Variants in CLGN observed in about 807,000 individuals in gnomAD.
CLGN encodes testis tissue sperm-binding protein Li 79P.
A neutral mutation model predicts 79.1 loss-of-function variants in CLGN; 62 were observed. That is an observed-to-expected ratio of 0.78 (90% CI 0.64 to 0.97). CLGN has a LOEUF of 0.97. Ranked by LOEUF, CLGN falls within the 50% of genes least tolerant of loss-of-function variation. The pLI, the probability that CLGN is intolerant of heterozygous loss-of-function variation, is 0.00. For missense variants in CLGN, 647 were observed against 715.5 expected (o/e 0.90, Z 1.09); for synonymous variants, 225 against 224.7 (o/e 1.00, Z -0.01).
chr4:140,399,039 C>G lies in CLGN; in HGVS notation c.696G>C (p.Val232=). The G allele has an allele frequency of 6.3e-7, 1 of 1,596,880 alleles. No homozygotes were observed. The change falls in exon 8 of 15, where the codon GTG becomes GTC. Residue 232 remains valine, a splice_region_variant and synonymous_variant. Transcript: ENST00000325617. ...CCTCAAATGTGTCATCTGGATTCAT[C>G]ACTAAGGGACCAATTTAAATAAATT... is the stretch of plus-strand genomic sequence containing the variant. ...TDRKTHLYTL[V]MNPDDTFEVL... is the part of the protein sequence containing the mutation.
intron 1 of CLGN, among the ~76,000 whole-genome samples, chr4:140,423,132 G>C (rs1320401402): frequency 1.3e-5 from 2 of 152,140 alleles, no homozygotes; most frequent in Admixed American, 6.5e-5. Flanking sequence ...TAAAGGAAAA[G>C]CTTTCAGTCT....
At chr4:140,403,261 T>C (rs1729031329) in intron 5 of CLGN, among the ~76,000 whole-genome samples, 1 of 152,198 alleles carries the variant, frequency 6.6e-6, no homozygotes, top group Non-Finnish European at 1.5e-5. Flanking sequence ...AAGCTCTAAG[T>C]CTCTATTTGC....
chr4:140,395,378 C>T (rs1367683422), intron 10 of CLGN, among the ~76,000 whole-genome samples: 1 of 152,054 alleles, frequency 6.6e-6, no homozygotes, highest in African/African-American at 2.4e-5. Flanking sequence ...CATCTCCTGA[C>T]CTCGTGATCC....
At chr4:140,414,707 A>C (rs1288976326) in intron 1 of CLGN, among the ~76,000 whole-genome samples, 1 of 146,364 alleles carries the variant, frequency 6.8e-6, no homozygotes, top group Non-Finnish European at 1.5e-5. Flanking sequence ...ATGTGAAAAG[A>C]CCAAATCTAC....
intron 1 of CLGN, among the ~76,000 whole-genome samples, chr4:140,418,062 T>A (rs1429466770): frequency 6.6e-6 from 1 of 151,900 alleles, no homozygotes; most frequent in Non-Finnish European, 1.5e-5. Context: ...TCTACAACTA[T>A]CTGATCTTTG....
At chr4:140,417,911 A>G (rs1339992377) in intron 1 of CLGN, among the ~76,000 whole-genome samples, 2 of 152,114 alleles carry the variant, frequency 1.3e-5, no homozygotes, top group Non-Finnish European at 2.9e-5. Flanking sequence ...CTAAGCCAAA[A>G]GAATAAAGCT....
intron 14 of CLGN, among the ~76,000 whole-genome samples, chr4:140,389,990 G>C (rs1728742531): frequency 6.6e-6 from 1 of 151,644 alleles, no homozygotes; most frequent in Non-Finnish European, 1.5e-5. Flanking sequence ...GAGAAAACTG[G>C]TTTTTGGTTT....
At position 140,396,898 on chromosome 4, in the gene CLGN, TATATATATGTATATATATATATATACAC is replaced by T. The variant is rs1560739991; in HGVS notation, c.885-721_885-694del. On this transcript the variant is annotated intron_variant, in intron 8 of 14. Transcript: ENST00000325617. ...ACATATATATATATATATGTATATA[TATATATATGTATATATATATATATACAC>T]ATATATATATATACACATAGCTTCA... Among the ~76,000 whole-genome samples, 6 of 60,088 alleles carry T rather than the reference TATATATATGTATATATATATATATACAC, an allele frequency of 1.0e-4. No homozygotes were observed. In the South Asian group the frequency reaches 1.4e-3, roughly 14 times the overall value. The allele number at this position is 60,088 out of a possible 152,430, so 39.4% of individuals were successfully genotyped here. A position where few individuals can be genotyped will look rare whatever the true frequency, so the allele number is the denominator to read the frequency against.
intron 10 of CLGN, 95 bp from the exon 11 acceptor site, chr4:140,394,136 C>A: frequency 1.2e-6 from 1 of 809,326 alleles, no homozygotes; most frequent in South Asian, 1.8e-5. Flanking sequence ...ATTCGCAATG[C>A]TAACTGGAAA....
intron 13 of CLGN, among the ~76,000 whole-genome samples, chr4:140,391,902 C>T (rs1480193806): frequency 6.6e-6 from 1 of 151,638 alleles, no homozygotes; most frequent in African/African-American, 2.4e-5. Flanking sequence ...CCTCTATCAC[C>T]CTCCATCTCA....
intron 6 of CLGN, among the ~76,000 whole-genome samples, chr4:140,401,713 A>G (rs1016582127): frequency 1.3e-5 from 2 of 152,158 alleles, no homozygotes; most frequent in African/African-American, 4.8e-5. Context: ...CTATATTTCA[A>G]AAGAAATTTA....
chr4:140,391,488 T>G (rs1459627711), intron 13 of CLGN, among the ~76,000 whole-genome samples: 1 of 151,696 alleles, frequency 6.6e-6, no homozygotes, highest in Non-Finnish European at 1.5e-5. Flanking sequence ...CACATGAACA[T>G]GTGTATGTAT....
chr4:140,392,604 AC>A lies in CLGN; in HGVS notation c.1472del (p.Cys491PhefsTer6), dbSNP rs1235317625. The A allele has an allele frequency of 6.3e-7, 1 of 1,597,572 alleles. No individual in the cohort carries two copies. The highest frequency in any genetic ancestry group is 2.2e-5 in the East Asian group (1 of 44,666). Reference sequence around the variant, plus strand: ...TCTTTACCTTTACTTTTCTTGGCCAACAAAATGAAGTAATTAATGCTATTGG... The same window carrying A: ...TCTTTACCTTTACTTTTCTTGGCCAAAAAATGAAGTAATTAATGCTATTGG... ...GVPIALITSF[C>X]WPRKVKKKHK... On this transcript the variant is annotated frameshift_variant, in exon 12 of 15. Transcript: ENST00000325617. LOFTEE classifies it high-confidence loss of function.
chr4:140,389,031 A>T lies in CLGN; in HGVS notation c.*193T>A. 1 of 555,782 alleles carries T rather than the reference A, an allele frequency of 1.8e-6. No individual in the cohort carries two copies. 34.4% of individuals were successfully genotyped at this position (555,782 alleles called of 1,614,324 possible). ...ATGTAATGTGCCACTTTTATTCTAA[A>T]TTCAAAGATGAGGTAACTTCAAAGT... On this transcript the variant is annotated 3_prime_UTR_variant, in exon 15 of 15. Coordinates refer to ENST00000325617, the MANE Select transcript of CLGN (RefSeq NM_004362.3).
intron 5 of CLGN, among the ~76,000 whole-genome samples, chr4:140,404,143 G>A (rs1729048966): frequency 6.6e-6 from 1 of 151,778 alleles, no homozygotes; most frequent in East Asian, 1.9e-4. Context: ...GCCCAGGCTG[G>A]AGTGCAGTGG....
intron 7 of CLGN, among the ~76,000 whole-genome samples, chr4:140,399,311 C>G (rs2668580): frequency 0.064 from 9,801 of 152,214 alleles, 394 homozygotes; most frequent in African/African-American, 0.11. Context: ...TGTTTTGGGA[C>G]TCATAACGAG....
At chr4:140,394,986 T>C (rs1281405209) in intron 10 of CLGN, among the ~76,000 whole-genome samples, 4 of 151,964 alleles carry the variant, frequency 2.6e-5, no homozygotes, top group African/African-American at 9.7e-5. Context: ...GAGACCAGCC[T>C]GACCAACATG....
At chr4:140,389,405 C>A in intron 14 of CLGN, 101 bp from the exon 15 acceptor site, 3 of 824,850 alleles carry the variant, frequency 3.6e-6, no homozygotes, top group African/African-American at 1.7e-5. Context: ...TATGTGCTAT[C>A]AATCAAGTGC....
chr4:140,419,071 GA>G (rs1477640364), intron 1 of CLGN, among the ~76,000 whole-genome samples: 1 of 152,068 alleles, frequency 6.6e-6, no homozygotes, highest in Non-Finnish European at 1.5e-5. Flanking sequence ...GATGAAATTG[GA>G]AAACATCATT....
Sources: gnomAD v4.1 joint callset for allele counts (sites outside exome capture counted in the v4.1 genomes callset) on GRCh38, gnomAD v4.1.1 for gene constraint, MANE v1.5 for transcripts, NCBI Gene and HGNC (gene_info 2026-07-23, HGNC 2026-07-21) for gene names.